Variants in EBF1 observed in about 807,000 individuals in gnomAD.
EBF1 encodes transcription factor COE1.
A neutral mutation model predicts 68.4 loss-of-function variants in EBF1; 10 were observed. The ratio of observed to expected loss-of-function variants is 0.15; its 90% CI spans 0.09 to 0.25. The LOEUF (loss-of-function observed/expected upper bound fraction) is 0.25. EBF1 is among the 10% of genes least tolerant of loss of function. EBF1 has a pLI of 1.00. For synonymous variants in EBF1, 298 were observed against 299.8 expected (o/e 0.99, Z 0.06); for missense variants, 509 against 794.4 (o/e 0.64, Z 4.32).
chr5:158,707,225 C>A (rs1047669666), intron 15 of EBF1, among the ~76,000 whole-genome samples: 1 of 152,170 alleles, frequency 6.6e-6, no homozygotes, highest in African/African-American at 2.4e-5. Flanking sequence ...ATATGACACA[C>A]AACAGAGTGC....
chr5:158,848,517 T>C (rs1791980047), intron 6 of EBF1, among the ~76,000 whole-genome samples: 1 of 152,212 alleles, frequency 6.6e-6, no homozygotes, highest in Non-Finnish European at 1.5e-5. Flanking sequence ...CAGTGGGTGA[T>C]CTGGTAACAG....
At chr5:158,832,752 C>A (rs1787860716) in intron 7 of EBF1, among the ~76,000 whole-genome samples, 2 of 152,112 alleles carry the variant, frequency 1.3e-5, no homozygotes, top group African/African-American at 4.8e-5. Flanking sequence ...TCCAGAGATA[C>A]CATGGCTTGT....
chr5:158,855,599 G>A (rs1793831643), intron 6 of EBF1, among the ~76,000 whole-genome samples: 1 of 152,178 alleles, frequency 6.6e-6, no homozygotes, highest in East Asian at 1.9e-4. Context: ...ATGTCTTCCT[G>A]TATCCTACCT....
intron 6 of EBF1, among the ~76,000 whole-genome samples, chr5:159,043,077 G>A (rs1239579778): frequency 6.6e-6 from 1 of 152,172 alleles, no homozygotes; most frequent in African/African-American, 2.4e-5. Context: ...CCTATAGAAT[G>A]TATTGTTTCA....
chr5:158,920,594 A>G (rs1002412950), intron 6 of EBF1, among the ~76,000 whole-genome samples: 2 of 151,176 alleles, frequency 1.3e-5, no homozygotes, highest in Non-Finnish European at 2.9e-5. Context: ...TTTTTTTTTT[A>G]AAGAAACACA....
In EBF1 at chr5:158,696,897, G is replaced by GT. The variant is rs1273982927; in HGVS notation, c.*2213dup. 0.053 allele frequency: 8,643 copies of GT among 163,892 alleles called. 29 individuals carry two copies. Among genetic ancestry groups the GT allele is most frequent in the East Asian group, 0.14 (1,264 of 8,940 alleles). 10.2% of individuals were successfully genotyped at this position (163,892 alleles called of 1,614,324 possible). On this transcript the variant is annotated 3_prime_UTR_variant, in exon 16 of 16. Coordinates refer to ENST00000313708, the MANE Select transcript of EBF1 (RefSeq NM_024007.5). ...TTCTTTTGTGCTTTTCGATTTCTTT[G>GT]TTTTTTTTTTTTTCTTTTTTTCTTT...
At chr5:158,927,394 T>C (rs966483352) in intron 6 of EBF1, among the ~76,000 whole-genome samples, 32 of 152,192 alleles carry the variant, frequency 2.1e-4, no homozygotes, top group Admixed American at 1.4e-3. Context: ...TTCTTCTTCT[T>C]GTGTCCCGGA....
At chr5:158,811,593 T>C (rs995097550) in intron 8 of EBF1, among the ~76,000 whole-genome samples, 1 of 152,166 alleles carries the variant, frequency 6.6e-6, no homozygotes, top group Non-Finnish European at 1.5e-5. Flanking sequence ...AAAGAGATCA[T>C]ACAAAGTGCT....
intron 6 of EBF1, among the ~76,000 whole-genome samples, chr5:159,039,459 A>G (rs912768081): frequency 2.0e-5 from 3 of 152,222 alleles, no homozygotes; most frequent in Non-Finnish European, 4.4e-5. Flanking sequence ...CTACTTTTGC[A>G]TGCATTACAT....
At chr5:159,075,241 C>T (rs1369157736) in intron 5 of EBF1, among the ~76,000 whole-genome samples, 1 of 152,148 alleles carries the variant, frequency 6.6e-6, no homozygotes, top group African/African-American at 2.4e-5. Flanking sequence ...CATGACTAGC[C>T]TCACTAAAGC....
intron 9 of EBF1, among the ~76,000 whole-genome samples, chr5:158,791,234 G>A (rs527731798): frequency 1.4e-4 from 21 of 150,392 alleles, no homozygotes; most frequent in Middle Eastern, 3.4e-3. Flanking sequence ...CAGGAGAATC[G>A]CTTGAACCTG....
chr5:158,945,889 C>A (rs565049555), intron 6 of EBF1, among the ~76,000 whole-genome samples: 17 of 152,188 alleles, frequency 1.1e-4, no homozygotes, highest in Non-Finnish European at 2.5e-4. Flanking sequence ...CCTTTTCATT[C>A]TTTTTTCTCT....
intron 7 of EBF1, among the ~76,000 whole-genome samples, chr5:158,838,229 A>T (rs966466447): frequency 1.3e-5 from 2 of 152,102 alleles, no homozygotes; most frequent in Non-Finnish European, 2.9e-5. Context: ...GCAGATCACA[A>T]GGTCAGGAGA....
intron 11 of EBF1, among the ~76,000 whole-genome samples, chr5:158,715,224 A>G (rs1464887823): frequency 1.3e-5 from 2 of 152,248 alleles, no homozygotes; most frequent in Non-Finnish European, 2.9e-5. Context: ...GACTGTGGGT[A>G]AAGTTTCAAA....
intron 6 of EBF1, among the ~76,000 whole-genome samples, chr5:158,960,146 C>T (rs1583482007): frequency 6.6e-6 from 1 of 152,122 alleles, no homozygotes; most frequent in Admixed American, 6.5e-5. Context: ...TACCAATCAG[C>T]ATGGAAGCAT....
intron 8 of EBF1, among the ~76,000 whole-genome samples, chr5:158,810,593 G>C (rs1782469675): frequency 6.6e-6 from 1 of 152,118 alleles, no homozygotes; most frequent in South Asian, 2.1e-4. Context: ...CAGAACTGTG[G>C]ATGAAAAATG....
chr5:159,053,398 C>T (rs1774170580), intron 6 of EBF1, among the ~76,000 whole-genome samples: 1 of 152,144 alleles, frequency 6.6e-6, no homozygotes, highest in Admixed American at 6.5e-5. Flanking sequence ...ACATGCAAAA[C>T]GCCAATGCCA....
intron 10 of EBF1, among the ~76,000 whole-genome samples, chr5:158,739,607 T>G (rs1366176069): frequency 6.6e-6 from 1 of 152,212 alleles, no homozygotes; most frequent in African/African-American, 2.4e-5. Context: ...AGAAGAATAA[T>G]TTCCACTTTG....
At chr5:158,941,217 C>T (rs903486159) in intron 6 of EBF1, 4 of 455,854 alleles carry the variant, frequency 8.8e-6, no homozygotes, top group Non-Finnish European at 1.8e-5. Context: ...CAGACACACA[C>T]ATTTGAGGAA....
Sources: gnomAD v4.1 joint callset for allele counts (sites outside exome capture counted in the v4.1 genomes callset) on GRCh38, gnomAD v4.1.1 for gene constraint, MANE v1.5 for transcripts, NCBI Gene and HGNC (gene_info 2026-07-23, HGNC 2026-07-21) for gene names.